The following SLC9A9 variants were observed in gnomAD, a reference collection of about 807,000 sequenced individuals.
SLC9A9 encodes the protein sodium/hydrogen exchanger 9.
Under a neutral mutation model 77.8 loss-of-function variants are expected in SLC9A9, and 62 were observed. That is an observed-to-expected ratio of 0.80 (90% CI 0.65 to 0.98). The LOEUF is 0.98. Among genes scored for constraint, SLC9A9 ranks in the 50% least tolerant of loss-of-function variants. SLC9A9 has a pLI of 0.00. For missense variants in SLC9A9, 775 were observed against 774.9 expected (o/e 1.00, Z 0.00); for synonymous variants, 320 against 283.5 (o/e 1.13, Z -1.29).
chr3:143,420,492 G>A (rs890630905), intron 12 of SLC9A9, among the ~76,000 whole-genome samples: 56 of 152,234 alleles, frequency 3.7e-4, no homozygotes, highest in Admixed American at 7.8e-4. Context: ...TTCAATATGC[G>A]ACTTATACAC....
At chr3:143,719,486 C>T (rs1934439660) in intron 4 of SLC9A9, among the ~76,000 whole-genome samples, 1 of 152,118 alleles carries the variant, frequency 6.6e-6, no homozygotes, top group Admixed American at 6.5e-5. Flanking sequence ...TCTGGATCCT[C>T]AGCATTTAGT....
chr3:143,343,746 C>CT (rs2032178647), intron 14 of SLC9A9: 1 of 152,156 alleles, frequency 6.6e-6, no homozygotes, highest in African/African-American at 2.4e-5. Flanking sequence ...TTACCTAGTA[C>CT]TGCTGCCTTG....
rs187928970 is a variant in SLC9A9, at chr3:143,492,868, G to T, written c.1315+785C>A. The stretch of plus-strand genomic sequence containing the variant: ...CCCAATAACTGCCTCTGAGTACATT[G>T]TAAGTGTACAGCTACATAGGAATCA... On this transcript the variant is annotated intron_variant, in intron 11 of 15. Coordinates refer to ENST00000316549, the MANE Select transcript of SLC9A9 (RefSeq NM_173653.4). Among the ~76,000 whole-genome samples the T allele has an allele frequency of 1.6e-4, 24 of 152,304 alleles. No individual in the cohort carries two copies. The East Asian group carries it at 4.4e-3, about 28-fold the overall frequency.
intron 11 of SLC9A9, among the ~76,000 whole-genome samples, chr3:143,473,273 A>T (rs2035410424): frequency 6.6e-6 from 1 of 152,158 alleles, no homozygotes; most frequent in African/African-American, 2.4e-5. Context: ...TCCTCAGAAC[A>T]GCTTCCTCAA....
chr3:143,537,714 G>A (rs2036614993), intron 9 of SLC9A9, among the ~76,000 whole-genome samples: 2 of 152,138 alleles, frequency 1.3e-5, no homozygotes, highest in Non-Finnish European at 2.9e-5. Context: ...GGCTCCAGCA[G>A]GGTCACTTGT....
At chr3:143,381,858 A>G (rs2033311395) in intron 13 of SLC9A9, 3 of 617,588 alleles carry the variant, frequency 4.9e-6, no homozygotes, top group Non-Finnish European at 5.7e-6. Flanking sequence ...TTGCAAGTAC[A>G]TGCTAGTTCT....
chr3:143,545,007 TA>T (rs962851364), intron 9 of SLC9A9, among the ~76,000 whole-genome samples: 1 of 152,186 alleles, frequency 6.6e-6, no homozygotes, highest in African/African-American at 2.4e-5. Flanking sequence ...CCGGGTTCTC[TA>T]TTCTGTTTTA....
chr3:143,384,192 T>G (rs1576461702), intron 12 of SLC9A9, among the ~76,000 whole-genome samples: 2 of 114,442 alleles, frequency 1.7e-5, no homozygotes, highest in Non-Finnish European at 1.8e-5. Flanking sequence ...GGGGAAGGGA[T>G]GAGGGGAGAA....
chr3:143,831,983 G>T, intron 2 of SLC9A9, 36 bp downstream of exon 2: 1 of 1,562,030 alleles, frequency 6.4e-7, no homozygotes, highest in Non-Finnish European at 8.8e-7. Context: ...TATTTATACT[G>T]TAAAACAAAT....
chr3:143,585,221 A>T (rs1161816893), intron 6 of SLC9A9, among the ~76,000 whole-genome samples: 3 of 152,122 alleles, frequency 2.0e-5, no homozygotes, highest in African/African-American at 7.2e-5. Context: ...ACCCCTCAGG[A>T]GGTGAAAGGA....
intron 4 of SLC9A9, among the ~76,000 whole-genome samples, chr3:143,719,239 T>C (rs1416061922): frequency 2.6e-5 from 4 of 152,178 alleles, no homozygotes; most frequent in African/African-American, 4.8e-5. Context: ...CTACAAACTT[T>C]GGGGTAGGGC....
intron 6 of SLC9A9, among the ~76,000 whole-genome samples, chr3:143,618,485 G>T (rs1239915389): frequency 6.6e-6 from 1 of 152,180 alleles, no homozygotes; most frequent in Non-Finnish European, 1.5e-5. Context: ...TCTGGTAACT[G>T]TAGAAAACCA....
chr3:143,446,320 GGGA>G (rs1286417979), intron 12 of SLC9A9, among the ~76,000 whole-genome samples: 1 of 152,028 alleles, frequency 6.6e-6, no homozygotes, highest in Non-Finnish European at 1.5e-5. Context: ...AGATACACTG[GGGA>G]CCTCGTGGAA....
intron 14 of SLC9A9, among the ~76,000 whole-genome samples, chr3:143,329,291 T>C (rs947460598): frequency 2.0e-5 from 3 of 152,088 alleles, no homozygotes; most frequent in Non-Finnish European, 4.4e-5. Flanking sequence ...AGTTAGTTGA[T>C]GGGTGAGTAA....
At position 143,390,836 on chromosome 3, in the gene SLC9A9, C is replaced by A. The variant is rs555508913; in HGVS notation, c.1470-8722G>T. Among the ~76,000 whole-genome samples the A allele has an allele frequency of 5.8e-3, 880 of 152,330 alleles. 3 individuals are homozygous for A. The highest frequency in any genetic ancestry group is 9.8e-3 in the Non-Finnish European group (664 of 68,022). On this transcript the variant is annotated intron_variant, in intron 12 of 15. Transcript: ENST00000316549. ...CCTGGCTCAGAGGGTCCCACACCCA[C>A]AGAGCCTCACTCATTGCTAGCACAG...
At chr3:143,621,639 G>T (rs532068698) in intron 6 of SLC9A9, among the ~76,000 whole-genome samples, 8 of 152,124 alleles carry the variant, frequency 5.3e-5, no homozygotes, top group African/African-American at 1.9e-4. Context: ...AAAGACCAAA[G>T]GTAGAGAAAA....
rs762524306 is a variant in SLC9A9 at position 143,552,378 on chromosome 3, T to G, written c.1073A>C (p.Lys358Thr). The change falls in exon 9 of 16, where the codon AAA becomes ACA. Residue 358 changes from lysine to threonine, a missense_variant. Coordinates refer to ENST00000316549, the MANE Select transcript of SLC9A9 (RefSeq NM_173653.4). ...TTCTTTTACCTGTTTAGTTCTTATT[T>G]TGGAATCCGAAGACAGATTGTTGTA... is the stretch of plus-strand genomic sequence containing the variant. The part of the protein sequence containing the change: ...YTYNNLSSDS[K>T]IRTKQLFEFM... The G allele has an allele frequency of 1.9e-6, 3 of 1,612,570 alleles. No homozygotes were observed. The highest frequency in any genetic ancestry group is 2.7e-5 in the African/African-American group (2 of 74,884).
chr3:143,733,194 C>T (rs368994217), intron 4 of SLC9A9, among the ~76,000 whole-genome samples: 57 of 151,816 alleles, frequency 3.8e-4, no homozygotes, highest in Admixed American at 3.6e-3. Context: ...TTCTCAAAAG[C>T]CTAGGTTTTG....
chr3:143,772,536 C>A (rs1211690036), intron 4 of SLC9A9, among the ~76,000 whole-genome samples: 1 of 152,160 alleles, frequency 6.6e-6, no homozygotes, highest in Non-Finnish European at 1.5e-5. Flanking sequence ...CCCAGAGACT[C>A]CATGGATGTT....
Sources: gnomAD v4.1 joint callset for allele counts (sites outside exome capture counted in the v4.1 genomes callset) on GRCh38, gnomAD v4.1.1 for gene constraint, MANE v1.5 for transcripts, NCBI Gene and HGNC (gene_info 2026-07-23, HGNC 2026-07-21) for gene names.